Variants in TECPR2 observed in about 807,000 individuals in gnomAD.
TECPR2 encodes the protein tectonin beta-propeller repeat containing 2.
In TECPR2, 65 loss-of-function variants were observed where a neutral mutation model predicts 138.1. The observed-to-expected ratio is 0.47, with a 90% CI of 0.39 to 0.58. The LOEUF is 0.58. TECPR2 is among the 20% of genes least tolerant of loss of function. The pLI is 0.00. For missense variants in TECPR2, 1,553 were observed against 1,824.5 expected, an observed-to-expected ratio of 0.85 and a Z score of 2.71; for synonymous variants, 746 against 749.8, an observed-to-expected ratio of 0.99 and a Z score of 0.08.
intron 14 of TECPR2, 93 bp from the exon 15 acceptor site, chr14:102,450,467 T>A: frequency 8.0e-7 from 1 of 1,242,246 alleles, no homozygotes; most frequent in Admixed American, 2.0e-5. Context: ...GGAGAAAGGG[T>A]TTGAAGGCCA....
At chr14:102,403,721 A>G (rs1325128822) in intron 2 of TECPR2, among the ~76,000 whole-genome samples, 1 of 152,232 alleles carries the variant, frequency 6.6e-6, no homozygotes, top group African/African-American at 2.4e-5. Context: ...GCATTTCTAA[A>G]CACCAACAAT....
intron 17 of TECPR2, among the ~76,000 whole-genome samples, chr14:102,493,150 C>T (rs1022494141): frequency 3.9e-5 from 6 of 152,240 alleles, no homozygotes; most frequent in Non-Finnish European, 8.8e-5. Context: ...CCATCATTCC[C>T]GTTGTCCTTG....
chr14:102,428,176 A>G lies in TECPR2; in HGVS notation c.952-74A>G, dbSNP rs1337650024. Reference sequence around the variant, plus strand: ...GACTGATTTGGACTCTCACACATGCATTTTTATGCTTTGAGCTGTTACCGT... The same window carrying G: ...GACTGATTTGGACTCTCACACATGCGTTTTTATGCTTTGAGCTGTTACCGT... On this transcript the variant is annotated intron_variant, in intron 6 of 19. Coordinates refer to ENST00000359520, the MANE Select transcript of TECPR2 (RefSeq NM_014844.5). 4 of 1,429,880 alleles carry G rather than the reference A, an allele frequency of 2.8e-6. No homozygotes were observed. The African/African-American group carries it at 6.7e-5, about 24-fold the overall frequency. 88.6% of individuals were successfully genotyped at this position (1,429,880 alleles called of 1,614,324 possible).
At position 102,434,381 on chromosome 14, in the gene TECPR2, G is replaced by C. The variant is rs1240874963; in HGVS notation, c.1564G>C (p.Glu522Gln). ...CAGTAGCGTGGATCAGTTAAGTGCA[G>C]AGTCTCCAGACCAGGAAAGCAGCTT... ...LGSSVDQLSA[E>Q]SPDQESSFNG... Residue 522 changes from glutamate to glutamine, a missense_variant, in exon 9 of 20, where the codon GAG becomes CAG. Glu to Gln is a conservative substitution (Grantham distance 29). Transcript: ENST00000359520. 1.2e-5 allele frequency: 19 copies of C among 1,529,150 alleles called. No individual in the cohort carries two copies. Among genetic ancestry groups the C allele is most frequent in the Non-Finnish European group, 8.8e-7 (1 of 1,140,052 alleles). 94.7% of individuals were successfully genotyped at this position (1,529,150 alleles called of 1,614,324 possible). A position where few individuals can be genotyped will look rare whatever the true frequency, so the allele number is the denominator to read the frequency against.
At chr14:102,414,935 G>T in intron 5 of TECPR2, 142 bp downstream of exon 5, 1 of 1,010,552 alleles carries the variant, frequency 9.9e-7, no homozygotes, top group Non-Finnish European at 1.4e-6. Context: ...TTCCTGGTGG[G>T]GCCCTGTGCC....
chr14:102,453,740 T>C (rs1432370044), intron 16 of TECPR2, among the ~76,000 whole-genome samples: 1 of 150,842 alleles, frequency 6.6e-6, no homozygotes, highest in African/African-American at 2.4e-5. Flanking sequence ...TTTTTTTAAC[T>C]TAGAACCAGC....
At chr14:102,454,690 C>T (rs1277223541) in intron 16 of TECPR2, among the ~76,000 whole-genome samples, 1 of 152,238 alleles carries the variant, frequency 6.6e-6, no homozygotes, top group Non-Finnish European at 1.5e-5. Flanking sequence ...CCCAGACTAA[C>T]TGGAAAATGC....
intron 17 of TECPR2, among the ~76,000 whole-genome samples, chr14:102,479,905 C>T (rs1328450840): frequency 6.6e-6 from 1 of 152,244 alleles, no homozygotes; most frequent in East Asian, 1.9e-4. Flanking sequence ...CAGTGGGGCG[C>T]AGTGCTCAGG....
chr14:102,386,426 C>T (rs541586712), intron 2 of TECPR2, among the ~76,000 whole-genome samples: 23 of 152,100 alleles, frequency 1.5e-4, no homozygotes, highest in African/African-American at 5.1e-4. Context: ...GTAGAGATTG[C>T]GCCACTGCAC....
intron 1 of TECPR2, among the ~76,000 whole-genome samples, chr14:102,365,330 C>A (rs1887314878): frequency 6.6e-6 from 1 of 152,154 alleles, no homozygotes; most frequent in Non-Finnish European, 1.5e-5. Flanking sequence ...AGAGAAAGAC[C>A]AACCAAGTAT....
At chr14:102,421,975 A>T (rs1889196089) in intron 5 of TECPR2, among the ~76,000 whole-genome samples, 1 of 152,194 alleles carries the variant, frequency 6.6e-6, no homozygotes, top group Non-Finnish European at 1.5e-5. Flanking sequence ...AAATGCTTAC[A>T]TGTGAACTCT....
chr14:102,393,516 C>T (rs1402459671), intron 2 of TECPR2, among the ~76,000 whole-genome samples: 1 of 152,142 alleles, frequency 6.6e-6, no homozygotes, highest in Non-Finnish European at 1.5e-5. Flanking sequence ...ACAAGCACTG[C>T]ACACCAGTAT....
chr14:102,435,112 A>G lies in TECPR2; in HGVS notation c.2295A>G (p.Ser765=), dbSNP rs760956240. The stretch of plus-strand genomic sequence containing the variant: ...TCTATGCCCACGGGCTTCCTTCTTC[A>G]TCCTCAGAGACGAGTGTGACAGAGC... ...EDIYAHGLPS[S]SSETSVTELG... Residue 765 remains serine, a synonymous_variant, in exon 9 of 20, where the codon TCA becomes TCG. Coordinates refer to ENST00000359520, the MANE Select transcript of TECPR2 (RefSeq NM_014844.5). The G allele has an allele frequency of 6.2e-7, 1 of 1,613,668 alleles. No homozygotes were observed. Among genetic ancestry groups the G allele is most frequent in the Non-Finnish European group, 8.5e-7 (1 of 1,180,008 alleles).
chr14:102,369,796 A>G (rs914190635), intron 1 of TECPR2, among the ~76,000 whole-genome samples: 3 of 151,936 alleles, frequency 2.0e-5, no homozygotes, highest in African/African-American at 7.2e-5. Flanking sequence ...CAAAAAAACA[A>G]AAAAACAAAA....
chr14:102,452,250 C>T (rs1052011659), intron 15 of TECPR2, 144 bp from the exon 16 acceptor site: 21 of 708,554 alleles, frequency 3.0e-5, no homozygotes, highest in African/African-American at 1.1e-4. Context: ...CGCTCCTGCC[C>T]GTGTGGGAAT....
chr14:102,362,948 G>T lies in TECPR2; in HGVS notation c.-241G>T. On this transcript the variant is annotated 5_prime_UTR_variant, in exon 1 of 20. Transcript: ENST00000359520. ...TCCGCCCCGCCCGCTGCCACTTGTG[G>T]CTCTGCCGCTCTAGCCCCCGGCGGA... is the stretch of plus-strand genomic sequence containing the variant. 6.7e-7 allele frequency: 1 copy of T among 1,490,290 alleles called. No homozygotes were observed. Among genetic ancestry groups the T allele is most frequent in the Non-Finnish European group, 9.2e-7 (1 of 1,085,750 alleles). 92.3% of individuals were successfully genotyped at this position (1,490,290 alleles called of 1,614,324 possible).
intron 2 of TECPR2, 112 bp from the exon 3 acceptor site, chr14:102,407,226 T>C (rs1595106849): frequency 7.4e-7 from 1 of 1,353,752 alleles, no homozygotes. Flanking sequence ...ATCAAGAATA[T>C]GTATGGACTG....
intron 2 of TECPR2, among the ~76,000 whole-genome samples, chr14:102,391,968 C>CT (rs1308861227): frequency 6.6e-6 from 1 of 152,006 alleles, no homozygotes; most frequent in African/African-American, 2.4e-5. Context: ...GCTGAAACCC[C>CT]TTTTTTTGTT....
chr14:102,486,649 G>A (rs1231757968), intron 17 of TECPR2, among the ~76,000 whole-genome samples: 1 of 152,198 alleles, frequency 6.6e-6, no homozygotes, highest in Non-Finnish European at 1.5e-5. Context: ...AGGACAGAGA[G>A]AGAGCTCAGC....
Sources: gnomAD v4.1 joint callset for allele counts (sites outside exome capture counted in the v4.1 genomes callset) on GRCh38, gnomAD v4.1.1 for gene constraint, MANE v1.5 for transcripts, NCBI Gene and HGNC (gene_info 2026-07-23, HGNC 2026-07-21) for gene names.